Variants in GAS6 observed in about 807,000 individuals in gnomAD.
GAS6 encodes the protein growth arrest specific 6, also known as growth arrest-specific protein 6.
In GAS6, 41 loss-of-function variants were observed where a neutral mutation model predicts 75.8. The observed-to-expected ratio is 0.54, with a 90% CI of 0.42 to 0.70. The LOEUF (loss-of-function observed/expected upper bound fraction) is 0.70, where lower values mean the gene tolerates loss of function less well. GAS6 is among the 30% of genes least tolerant of loss of function. The probability of loss-of-function intolerance (pLI) is 0.00; values close to 1 mark genes in which losing one functional copy is unlikely to be tolerated. For missense variants in GAS6, 854 were observed against 940.2 expected (o/e 0.91, Z 1.20); for synonymous variants, 432 against 412.6 (o/e 1.05, Z -0.57).
At chr13:113,860,393 A>G (rs1010159537) in intron 2 of GAS6, among the ~76,000 whole-genome samples, 7 of 152,226 alleles carry the variant, frequency 4.6e-5, no homozygotes, top group Non-Finnish European at 8.8e-5. Context: ...GTGCACAAAC[A>G]GGCTCCCAGG....
Position 113,820,934 on chromosome 13 carries a change from T to A in GAS6, c.1967A>T (p.Asp656Val). 1 of 1,612,592 alleles carries A rather than the reference T, an allele frequency of 6.2e-7. No individual in the cohort carries two copies. The change falls in exon 15 of 15, where the codon GAC becomes GTC. Residue 656 changes from aspartate to valine, a missense_variant. Physicochemically the swap from Asp to Val is radical, Grantham distance 152 (BLOSUM62 -3). Transcript: ENST00000327773. ...LEVNRRLLDL[D>V]EAAYKHSDIT... is the part of the protein sequence containing the mutation. Reference sequence around the variant, plus strand: ...GTCGCTGTGCTTGTACGCCGCCTCGTCCAGGTCCAGCAGCCTCCGGTTGAC... The same window carrying A: ...GTCGCTGTGCTTGTACGCCGCCTCGACCAGGTCCAGCAGCCTCCGGTTGAC...
At chr13:113,822,688 A>G (rs2051476803) in intron 13 of GAS6, 1 of 124,620 alleles carries the variant, frequency 8.0e-6, no homozygotes, top group African/African-American at 4.2e-5. Flanking sequence ...GAGCATTTGC[A>G]TGAACCAAGC....
At chr13:113,833,654 AGTGTGACAGGTCG>A in intron 8 of GAS6, 1 of 975,032 alleles carries the variant, frequency 1.0e-6, no homozygotes, top group Non-Finnish European at 1.2e-6. Flanking sequence ...GACAGGCACC[AGTGTGACAGGTCG>A]GTGTGACAGA....
intron 6 of GAS6, 86 bp from the exon 7 acceptor site, chr13:113,835,721 C>A (rs2051694960): frequency 1.6e-5 from 25 of 1,546,776 alleles, no homozygotes; most frequent in Non-Finnish European, 2.0e-5. Flanking sequence ...CTGGCCAGGG[C>A]ACCACCCAGA....
intron 14 of GAS6, chr13:113,821,408 G>A (rs558848288): frequency 1.1e-4 from 28 of 243,658 alleles, no homozygotes; most frequent in East Asian, 5.2e-4. Flanking sequence ...AAATCCTGCC[G>A]TTTGCCGCAA....
At chr13:113,828,047 G>T (rs1405932676) in intron 11 of GAS6, among the ~76,000 whole-genome samples, 1 of 152,154 alleles carries the variant, frequency 6.6e-6, no homozygotes, top group Non-Finnish European at 1.5e-5. Context: ...AGGCCGAGGT[G>T]GGCAGTTCAC....
chr13:113,832,956 T>C, intron 8 of GAS6: 1 of 1,455,788 alleles, frequency 6.9e-7, no homozygotes, highest in Non-Finnish European at 9.1e-7. Flanking sequence ...CAGCAGCCGC[T>C]TCCCACAGGG....
In GAS6 at chr13:113,844,661, G is replaced by T. The variant is rs1199234866; in HGVS notation, c.343+1866C>A. ...AAATAAGCAAGACAACCAGAAAAAA[G>T]ACTGAGGAGGGCATAGGAGACCCAC... On this transcript the variant is annotated intron_variant, in intron 4 of 14. Transcript: ENST00000327773. This position sits in a 1 kb window ranked among gnomAD's most constrained non-coding sequence, Gnocchi z 5.7. The T allele has an allele frequency of 6.6e-6, 1 of 150,378 alleles. No homozygotes were observed. The highest frequency in any genetic ancestry group is 1.9e-4 in the East Asian group (1 of 5,198). The allele number at this position is 150,378 out of a possible 1,614,324, so 9.3% of individuals were successfully genotyped here.
At chr13:113,856,301 T>C (rs889196883) in intron 2 of GAS6, among the ~76,000 whole-genome samples, 1 of 152,148 alleles carries the variant, frequency 6.6e-6, no homozygotes, top group African/African-American at 2.4e-5. Context: ...TGCCGCGTCC[T>C]GCTCTCCCCC....
At chr13:113,831,485 C>T (rs1482631932) in intron 10 of GAS6, among the ~76,000 whole-genome samples, 4 of 152,254 alleles carry the variant, frequency 2.6e-5, no homozygotes, top group African/African-American at 2.4e-5. Context: ...GGGCACCCTG[C>T]GTGTAGCGTC....
rs780948357 is a variant in GAS6 at position 113,832,916 on chromosome 13, A to G, written c.835-164T>C. ...CCCCAGAGGCTGTCACACCTGCCCC[A>G]CTGGGACTCCCAGGTGAAGGGCGGG... On this transcript the variant is annotated intron_variant, in intron 8 of 14. Coordinates refer to ENST00000327773, the MANE Select transcript of GAS6 (RefSeq NM_000820.4). 17 of 1,498,494 alleles carry G rather than the reference A, an allele frequency of 1.1e-5. No homozygotes were observed. The Admixed American group carries it at 3.4e-4, about 30-fold the overall frequency. The allele number at this position is 1,498,494 out of a possible 1,614,324, so 92.8% of individuals were successfully genotyped here. A position where few individuals can be genotyped will look rare whatever the true frequency, so the allele number is the denominator to read the frequency against.
intron 3 of GAS6, chr13:113,847,739 C>A: frequency 2.2e-6 from 1 of 450,596 alleles, no homozygotes; most frequent in Non-Finnish European, 4.0e-6. Flanking sequence ...AGGACAAAAT[C>A]AATTACACGT....
rs894374767 is a variant in GAS6, at chr13:113,855,952, G to A, written c.255+7623C>T. On this transcript the variant is annotated intron_variant, in intron 2 of 14. Transcript: ENST00000327773. ...GGTCACTTGGACTCCTCCAGTGGCC[G>A]GGACACATGTCTCTCTAGTGGACTG... Among the ~76,000 whole-genome samples, 5 of 152,318 alleles carry A rather than the reference G, an allele frequency of 3.3e-5. No homozygotes were observed. The East Asian group carries it at 5.8e-4, about 18-fold the overall frequency.
chr13:113,846,497 C>T, intron 4 of GAS6, 30 bp downstream of exon 4: 3 of 1,609,928 alleles, frequency 1.9e-6, no homozygotes, highest in African/African-American at 1.3e-5. Context: ...CCACAGTGCT[C>T]CCAGGAAGGC....
chr13:113,832,332 G>A lies in GAS6; in HGVS notation c.1110C>T (p.Ser370=), dbSNP rs753479956. ...RYNGVGRVTS[S]GPVINHGMWQ... ...ACATGCCATGGTTGATGACCGGGCC[G>A]CTGCTGGTGACACGGCCGACACCGT... Residue 370 remains serine (S), a synonymous_variant, in exon 10 of 15, where the codon AGC becomes AGT. Transcript: ENST00000327773. 58 of 1,602,326 alleles carry A rather than the reference G, an allele frequency of 3.6e-5. No homozygotes were observed. The Middle Eastern group carries it at 5.7e-4, about 16-fold the overall frequency.
In GAS6 at chr13:113,837,869, G is replaced by A. The variant is rs533774142; in HGVS notation, c.589+200C>T. Among the ~76,000 whole-genome samples the A allele has an allele frequency of 6.6e-5, 10 of 152,294 alleles. No homozygotes were observed. Among genetic ancestry groups the A allele is most frequent in the African/African-American group, 2.4e-4 (10 of 41,538 alleles). The stretch of plus-strand genomic sequence containing the variant: ...CCCTGAGTCCTGGCCCTCAGATGCC[G>A]GGTGAGTCATCCTGGTGTGGTGCCG... On this transcript the variant is annotated intron_variant, in intron 6 of 14. Transcript: ENST00000327773. The surrounding 1 kb of genome is among the most constrained non-coding windows in gnomAD (Gnocchi z 5.1).
At position 113,835,663 on chromosome 13, in the gene GAS6, G is replaced by A. The variant is rs45544435; in HGVS notation, c.590-28C>T. On this transcript the variant is annotated intron_variant, in intron 6 of 14. Transcript: ENST00000327773. ...GCAAGCAAAAAAAAACCGGCCAACC[G>A]CAGCACAGCGGCATCTCAGACGGGG... 3.9e-4 allele frequency: 626 copies of A among 1,607,496 alleles called. 1 individual carries two copies. The highest frequency in any genetic ancestry group is 5.1e-4 in the Non-Finnish European group (596 of 1,177,750).
rs769599558 is a variant in GAS6, at chr13:113,832,465, C to T, written c.977G>A (p.Arg326Gln). 1.2e-6 allele frequency: 2 copies of T among 1,602,876 alleles called. No individual in the cohort carries two copies. The highest frequency in any genetic ancestry group is 2.2e-5 in the East Asian group (1 of 44,640). Reference sequence around the variant, plus strand: ...GAGGATGCCCTCGGGGTCAAAGGTCCGGAAGTCAAACTCAGCTACCAGCCT... The same window carrying T: ...GAGGATGCCCTCGGGGTCAAAGGTCTGGAAGTCAAACTCAGCTACCAGCCT... ...PTRLVAEFDF[R>Q]TFDPEGILLF... is the part of the protein sequence containing the mutation. Residue 326 changes from arginine (R) to glutamine (Q), a missense_variant, in exon 10 of 15, where the codon CGG (arginine) becomes CAG (glutamine). Transcript: ENST00000327773.
At chr13:113,846,494 G>A in intron 4 of GAS6, 33 bp downstream of exon 4, 1 of 1,604,392 alleles carries the variant, frequency 6.2e-7, no homozygotes, top group Non-Finnish European at 8.5e-7. Flanking sequence ...AACCCACAGT[G>A]CTCCCAGGAA....
Sources: allele counts gnomAD v4.1 joint callset (sites outside exome capture counted in the v4.1 genomes callset), GRCh38; gene constraint gnomAD v4.1.1; non-coding constraint Gnocchi (gnomAD v3.1); transcripts MANE v1.5; gene names NCBI Gene and HGNC (gene_info 2026-07-23, HGNC 2026-07-21).